The following CFAP43 variants were observed in gnomAD, a reference collection of about 807,000 sequenced individuals.
CFAP43 encodes the protein cilia and flagella associated protein 43, also known as cilia- and flagella-associated protein 43.
In CFAP43, 155 loss-of-function variants were observed where a neutral mutation model predicts 218.9. The ratio of observed to expected loss-of-function variants is 0.71; its 90% CI spans 0.62 to 0.81. CFAP43 has a LOEUF of 0.81. Among genes scored for constraint, CFAP43 ranks in the 30% least tolerant of loss-of-function variants. The pLI is 0.00. For missense variants in CFAP43, 1,778 were observed against 1,954.3 expected, an observed-to-expected ratio of 0.91 and a Z score of 1.70; for synonymous variants, 645 against 681.3, an observed-to-expected ratio of 0.95 and a Z score of 0.83.
chr10:104,230,576 G>A lies in CFAP43; in HGVS notation c.319+14C>T, dbSNP rs761399885. On this transcript the variant is annotated intron_variant, in intron 2 of 37. Transcript: ENST00000357060. ...TCCTTCAATTATGGGCAGAGGAAGGGTTCTCTAGAATACCTTTCAATTTGG... is the reference window on the plus strand; with the variant it reads ...TCCTTCAATTATGGGCAGAGGAAGGATTCTCTAGAATACCTTTCAATTTGG... 3.1e-6 allele frequency: 5 copies of A among 1,610,440 alleles called. No homozygotes were observed. The Admixed American group carries it at 5.1e-5, about 16-fold the overall frequency.
chr10:104,168,929 A>C, intron 20 of CFAP43, 81 bp from the exon 21 acceptor site: 1 of 1,172,366 alleles, frequency 8.5e-7, no homozygotes, highest in South Asian at 1.3e-5. Flanking sequence ...AAACTCACTA[A>C]GTAGCCATTA....
intron 13 of CFAP43, 142 bp downstream of exon 13, chr10:104,188,128 T>C (rs2090090579): frequency 2.0e-6 from 2 of 1,025,166 alleles, no homozygotes; most frequent in Non-Finnish European, 2.8e-6. Flanking sequence ...GTTTAGCATG[T>C]TGGTTTTACT....
chr10:104,175,283 G>A (rs923803785), intron 19 of CFAP43, among the ~76,000 whole-genome samples: 4 of 152,006 alleles, frequency 2.6e-5, no homozygotes, highest in Admixed American at 2.0e-4. Context: ...AAATTACTTG[G>A]GCGTGGTGGT....
chr10:104,214,281 G>T lies in CFAP43; in HGVS notation c.562C>A (p.Gln188Lys), dbSNP rs775445158. ...VSVWTIERSN[Q>K]EHCFRARSVK... ...TACCTTGCTCTGAAACAATGCTCCTGGTTACTTCTTTCAATGGTCCACACG... is the reference window on the plus strand; with the variant it reads ...TACCTTGCTCTGAAACAATGCTCCTTGTTACTTCTTTCAATGGTCCACACG... The change falls in exon 4 of 38, where the codon CAG becomes AAG. Residue 188 changes from glutamine to lysine, a missense_variant. Gln to Lys is a moderately conservative substitution (Grantham distance 53, BLOSUM62 1). Coordinates refer to ENST00000357060, the MANE Select transcript of CFAP43 (RefSeq NM_025145.7). 6.3e-7 allele frequency: 1 copy of T among 1,596,936 alleles called. No individual in the cohort carries two copies. Among genetic ancestry groups the T allele is most frequent in the East Asian group, 2.3e-5 (1 of 44,428 alleles).
chr10:104,162,277 A>G, intron 25 of CFAP43, 40 bp downstream of exon 25: 1 of 1,564,084 alleles, frequency 6.4e-7, no homozygotes, highest in Non-Finnish European at 8.8e-7. Flanking sequence ...TCCCTAAAGC[A>G]AAGAGGGTCT....
At position 104,146,252 on chromosome 10, in the gene CFAP43, A is replaced by G; in HGVS notation, c.3855+11T>C. The G allele has an allele frequency of 6.2e-7, 1 of 1,611,760 alleles. No individual in the cohort carries two copies. Among genetic ancestry groups the G allele is most frequent in the Non-Finnish European group, 8.5e-7 (1 of 1,177,946 alleles). On this transcript the variant is annotated intron_variant, in intron 30 of 37. Transcript: ENST00000357060. ...ACTGCATTGTTGAGTGGGTAAGACA[A>G]CAACTCTCACTTTGTCTTCTGCCAG... is the stretch of plus-strand genomic sequence containing the variant.
chr10:104,148,684 T>C (rs1037873747), intron 28 of CFAP43, among the ~76,000 whole-genome samples: 1 of 152,212 alleles, frequency 6.6e-6, no homozygotes. Flanking sequence ...CCAGCTCCCC[T>C]TCACCTGGCA....
At chr10:104,231,622 G>A (rs1358595165) in intron 1 of CFAP43, among the ~76,000 whole-genome samples, 1 of 152,210 alleles carries the variant, frequency 6.6e-6, no homozygotes, top group Non-Finnish European at 1.5e-5. Context: ...GTATAGAGTG[G>A]AGGTGGGGGC....
intron 37 of CFAP43, among the ~76,000 whole-genome samples, chr10:104,130,990 C>A (rs537878942): frequency 7.1e-6 from 1 of 141,102 alleles, no homozygotes; most frequent in Admixed American, 7.1e-5. Context: ...CAGAGGGACA[C>A]CCTGTCTCAA....
chr10:104,180,685 T>C (rs548446909), intron 17 of CFAP43, among the ~76,000 whole-genome samples: 1 of 152,232 alleles, frequency 6.6e-6, no homozygotes, highest in African/African-American at 2.4e-5. Flanking sequence ...AACCTCGTGA[T>C]ATGCCCACCT....
At chr10:104,191,798 G>A (rs1389258366) in intron 12 of CFAP43, among the ~76,000 whole-genome samples, 4 of 134,844 alleles carry the variant, frequency 3.0e-5, no homozygotes, top group Non-Finnish European at 6.4e-5. Context: ...GTGGGGGGGG[G>A]GAAACACATA....
At chr10:104,224,671 C>T (rs1352761607) in intron 3 of CFAP43, among the ~76,000 whole-genome samples, 1 of 144,240 alleles carries the variant, frequency 6.9e-6, no homozygotes, top group Non-Finnish European at 1.5e-5. Context: ...AGGAGAATTG[C>T]TTGAACCTGG....
intron 2 of CFAP43, among the ~76,000 whole-genome samples, chr10:104,227,212 G>A (rs1362455816): frequency 2.6e-5 from 4 of 152,094 alleles, no homozygotes; most frequent in African/African-American, 9.7e-5. Context: ...TAATACTGGA[G>A]ATGTAGGTTG....
intron 10 of CFAP43, among the ~76,000 whole-genome samples, chr10:104,194,433 C>T (rs921052461): frequency 4.6e-5 from 7 of 152,030 alleles, no homozygotes; most frequent in African/African-American, 9.7e-5. Context: ...TATTTATTAG[C>T]GATGGGGTCT....
rs767693677 is a variant in CFAP43 at position 104,166,627 on chromosome 10, T to C, written c.2900A>G (p.Lys967Arg). Reference sequence around the variant, plus strand: ...GGGCAAATTGCTATATTTTACTGTCTTGTCTTCCTCTTCCTCTTCTTCATC... The same window carrying C: ...GGGCAAATTGCTATATTTTACTGTCCTGTCTTCCTCTTCCTCTTCTTCATC... Reference protein sequence around the residue: ...EDDEEEEEEDKTVKYSNLPNY... With the variant: ...EDDEEEEEEDRTVKYSNLPNY... The change falls in exon 23 of 38, where the codon AAG becomes AGG. Residue 967 changes from lysine (K) to arginine (R), a missense_variant. Lys to Arg is a conservative substitution (Grantham distance 26). Coordinates refer to ENST00000357060, the MANE Select transcript of CFAP43 (RefSeq NM_025145.7). The C allele has an allele frequency of 2.7e-5, 44 of 1,614,166 alleles. No individual in the cohort carries two copies. The East Asian group carries it at 6.7e-4, about 25-fold the overall frequency.
chr10:104,232,326 G>GGCTGCGGGCCGCGAC lies in CFAP43; in HGVS notation c.-95_-81dup, dbSNP rs1331187058. The GGCTGCGGGCCGCGAC allele has an allele frequency of 3.6e-6, 5 of 1,390,622 alleles. No homozygotes were observed. The highest frequency in any genetic ancestry group is 3.0e-5 in the African/African-American group (2 of 67,614). 86.1% of individuals were successfully genotyped at this position (1,390,622 alleles called of 1,614,324 possible). A position where few individuals can be genotyped will look rare whatever the true frequency, so the allele number is the denominator to read the frequency against. On this transcript the variant is annotated 5_prime_UTR_variant, in exon 1 of 38. Coordinates refer to ENST00000357060, the MANE Select transcript of CFAP43 (RefSeq NM_025145.7). ...GTCGGTTACCTTTCCGCCGCCGCGG[G>GGCTGCGGGCCGCGAC]GCTGCGGGCCGCGACGCCGCTGCTG...
intron 8 of CFAP43, among the ~76,000 whole-genome samples, chr10:104,200,714 G>GA (rs1412363258): frequency 2.7e-5 from 4 of 148,922 alleles, no homozygotes; most frequent in Non-Finnish European, 5.9e-5. Context: ...AGGAAATGAG[G>GA]AAACTACCCA....
At chr10:104,145,232 C>T (rs536837636) in intron 31 of CFAP43, among the ~76,000 whole-genome samples, 2 of 152,214 alleles carry the variant, frequency 1.3e-5, no homozygotes, top group Non-Finnish European at 2.9e-5. Flanking sequence ...TACAATAGTA[C>T]CGTGCTTACA....
chr10:104,136,403 C>T (rs531112699), intron 34 of CFAP43, among the ~76,000 whole-genome samples: 2 of 151,288 alleles, frequency 1.3e-5, no homozygotes, highest in African/African-American at 4.9e-5. Context: ...CAGAGTCTTA[C>T]TCTGCCACCC....
Sources: gnomAD v4.1 joint callset for allele counts (sites outside exome capture counted in the v4.1 genomes callset) on GRCh38, gnomAD v4.1.1 for gene constraint, MANE v1.5 for transcripts, NCBI Gene and HGNC (gene_info 2026-07-23, HGNC 2026-07-21) for gene names.